ERP44: variants seen among roughly 807,000 people sequenced by gnomAD.
ERP44 encodes endoplasmic reticulum resident protein 44.
ERP44 carries 25 observed loss-of-function variants against 53.4 expected under a neutral mutation model. The ratio of observed to expected loss-of-function variants is 0.47; its 90% CI spans 0.34 to 0.65. ERP44 has a LOEUF of 0.65. Ranked by LOEUF, ERP44 falls within the 30% of genes least tolerant of loss-of-function variation. The pLI, the probability that ERP44 is intolerant of heterozygous loss-of-function variation, is 0.01. For missense variants in ERP44, 338 were observed against 493.2 expected, an observed-to-expected ratio of 0.69 and a Z score of 2.98; for synonymous variants, 145 against 161.2, an observed-to-expected ratio of 0.90 and a Z score of 0.76.
intron 10 of ERP44, among the ~76,000 whole-genome samples, chr9:100,001,239 G>C (rs1484457004): frequency 6.6e-6 from 1 of 152,042 alleles, no homozygotes; most frequent in Non-Finnish European, 1.5e-5. Context: ...CTTAAATTTG[G>C]TAAGACTTGT....
At chr9:100,072,515 C>A (rs1004987350) in intron 1 of ERP44, among the ~76,000 whole-genome samples, 1 of 152,098 alleles carries the variant, frequency 6.6e-6, no homozygotes, top group African/African-American at 2.4e-5. Context: ...CAAAAAAGTT[C>A]TCTAACTCTC....
chr9:100,098,587 C>T (rs1826688358), intron 1 of ERP44, among the ~76,000 whole-genome samples, 197 bp downstream of exon 1: 1 of 152,188 alleles, frequency 6.6e-6, no homozygotes, highest in Admixed American at 6.5e-5. Context: ...CATTCTCCCC[C>T]GACACTGGTT....
chr9:100,088,652 C>T (rs1826514738), intron 1 of ERP44, among the ~76,000 whole-genome samples: 1 of 152,130 alleles, frequency 6.6e-6, no homozygotes, highest in Admixed American at 6.5e-5. Context: ...TTCATAAAAT[C>T]ATAATAGTAG....
Position 100,098,941 on chromosome 9 carries a change from C to G in ERP44, c.-101G>C. 1.1e-6 allele frequency: 1 copy of G among 906,578 alleles called. No individual in the cohort carries two copies. Among genetic ancestry groups the G allele is most frequent in the Admixed American group, 2.2e-5 (1 of 45,998 alleles). 56.2% of individuals were successfully genotyped at this position (906,578 alleles called of 1,614,324 possible). ...GCTGGGCTCCGGGAGCCGACGGCAG[C>G]GGAGGATTCTCCAGGCAGCGGCACC... On this transcript the variant is annotated 5_prime_UTR_variant, in exon 1 of 12. Transcript: ENST00000262455.
intron 8 of ERP44, among the ~76,000 whole-genome samples, chr9:100,011,726 G>A (rs971278258): frequency 6.6e-6 from 1 of 152,050 alleles, no homozygotes; most frequent in Non-Finnish European, 1.5e-5. Context: ...TCAGAATCCA[G>A]GGAAATACTA....
Position 99,993,007 on chromosome 9 carries a change from T to TA in ERP44, c.1017-7939dup, listed in dbSNP as rs1448786893. 1.2e-4 allele frequency among the ~76,000 whole-genome samples: 19 copies of TA among 152,222 alleles called. 1 individual carries two copies. In the East Asian group the frequency reaches 1.7e-3, roughly 14 times the overall value. The stretch of plus-strand genomic sequence containing the variant: ...AACTACAAACCACTGCTCAACGAAT[T>TA]AAAAGAGGACGCAAACAAATGGAAG... On this transcript the variant is annotated intron_variant, in intron 10 of 11. Transcript: ENST00000262455.
In ERP44 at chr9:100,020,744, G is replaced by A. The variant is rs984559635; in HGVS notation, c.472-13C>T. The A allele has an allele frequency of 4.4e-6, 6 of 1,363,428 alleles. No homozygotes were observed. Among genetic ancestry groups the A allele is most frequent in the Non-Finnish European group, 6.3e-6 (6 of 956,220 alleles). The allele number at this position is 1,363,428 out of a possible 1,614,324, so 84.5% of individuals were successfully genotyped here. On this transcript the variant is annotated splice_polypyrimidine_tract_variant and intron_variant, in intron 5 of 11. Transcript: ENST00000262455. ...TTCTTTTGCTGCGCTGTAAAATAAA[G>A]TATGCAATTATTTTGCAAACATACA...
chr9:100,057,874 C>A lies in ERP44; in HGVS notation c.131-15G>T. The A allele has an allele frequency of 6.4e-7, 1 of 1,561,496 alleles. No homozygotes were observed. The highest frequency in any genetic ancestry group is 1.1e-5 in the South Asian group (1 of 87,418). ...ATCAGCATTGTCTGAAATTGAAAGA[C>A]AAAACCAAATAAGATATTTGTAATA... On this transcript the variant is annotated splice_polypyrimidine_tract_variant and intron_variant, in intron 2 of 11. Coordinates refer to ENST00000262455, the MANE Select transcript of ERP44 (RefSeq NM_015051.3).
At chr9:100,026,624 CAGT>C (rs910860990) in intron 4 of ERP44, among the ~76,000 whole-genome samples, 12 of 152,110 alleles carry the variant, frequency 7.9e-5, no homozygotes, top group African/African-American at 2.9e-4. Flanking sequence ...GGCAAAAAAT[CAGT>C]AATAATAAAA....
intron 10 of ERP44, among the ~76,000 whole-genome samples, chr9:100,002,571 T>C (rs1436253921): frequency 2.0e-5 from 3 of 152,218 alleles, no homozygotes; most frequent in Non-Finnish European, 4.4e-5. Flanking sequence ...TTAAAGACTT[T>C]GAACATATCA....
chr9:100,094,482 A>AC (rs1266720747), intron 1 of ERP44, among the ~76,000 whole-genome samples: 2 of 152,114 alleles, frequency 1.3e-5, no homozygotes, highest in Non-Finnish European at 2.9e-5. Flanking sequence ...ACATGGTGAA[A>AC]CCCCATCTCT....
intron 1 of ERP44, among the ~76,000 whole-genome samples, chr9:100,067,750 G>A (rs1327060819): frequency 6.6e-6 from 1 of 151,550 alleles, no homozygotes; most frequent in African/African-American, 2.4e-5. Context: ...AGTGAGGAGC[G>A]CCTCTTCCCG....
chr9:100,074,914 GA>G (rs1053692623), intron 1 of ERP44, among the ~76,000 whole-genome samples: 1 of 152,162 alleles, frequency 6.6e-6, no homozygotes, highest in African/African-American at 2.4e-5. Flanking sequence ...CCAGGTGCCA[GA>G]ATGCCTAATT....
intron 10 of ERP44, among the ~76,000 whole-genome samples, chr9:100,002,129 A>C (rs1294041153): frequency 2.0e-3 from 3 of 1,538 alleles, no homozygotes; most frequent in African/African-American, 0.012. Context: ...AACTTTATTC[A>C]CATAAAAAAA....
intron 1 of ERP44, among the ~76,000 whole-genome samples, chr9:100,073,706 T>C (rs1163761367): frequency 6.6e-6 from 1 of 152,212 alleles, no homozygotes; most frequent in African/African-American, 2.4e-5. Flanking sequence ...AAATTTTCAA[T>C]TACATTCTAC....
At chr9:100,040,204 C>T (rs1825886840) in intron 4 of ERP44, among the ~76,000 whole-genome samples, 1 of 152,086 alleles carries the variant, frequency 6.6e-6, no homozygotes, top group Non-Finnish European at 1.5e-5. Flanking sequence ...TAAAACCGGA[C>T]AAAGGCACAT....
chr9:100,030,505 G>C (rs534185297), intron 4 of ERP44, among the ~76,000 whole-genome samples: 1 of 152,268 alleles, frequency 6.6e-6, no homozygotes, highest in African/African-American at 2.4e-5. Flanking sequence ...ACATCTGGTG[G>C]AACTTGGGTT....
Position 100,022,079 on chromosome 9 carries a change from T to C in ERP44, c.434A>G (p.Gln145Arg). Residue 145 changes from glutamine to arginine, a missense_variant, in exon 5 of 12, where the codon CAA becomes CGA. Coordinates refer to ENST00000262455, the MANE Select transcript of ERP44 (RefSeq NM_015051.3). ...YIRQQKSDPI[Q>R]EIRDLAEITT... is the part of the protein sequence containing the mutation. ...GATTTCTGCTAAGTCCCGAATTTCT[T>C]GAATGGGGTCACTTTTTTGTTGCCT... is the stretch of plus-strand genomic sequence containing the variant. The C allele has an allele frequency of 6.2e-7, 1 of 1,613,924 alleles. No individual in the cohort carries two copies. The highest frequency in any genetic ancestry group is 1.1e-5 in the South Asian group (1 of 91,038).
At chr9:100,093,655 A>G (rs1230471787) in intron 1 of ERP44, among the ~76,000 whole-genome samples, 1 of 152,100 alleles carries the variant, frequency 6.6e-6, no homozygotes, top group African/African-American at 2.4e-5. Flanking sequence ...GGGGGGGAAA[A>G]AAAAAGAACT....
Sources: gnomAD v4.1 joint callset for allele counts (sites outside exome capture counted in the v4.1 genomes callset) on GRCh38, gnomAD v4.1.1 for gene constraint, MANE v1.5 for transcripts, NCBI Gene and HGNC (gene_info 2026-07-23, HGNC 2026-07-21) for gene names.